DEPDC4: variants seen among roughly 807,000 people sequenced by gnomAD.
The protein encoded by DEPDC4 is DEP domain-containing protein 4.
DEPDC4 carries 52 observed loss-of-function variants against 52.0 expected under a neutral mutation model. That is an observed-to-expected ratio of 1.00 (90% CI 0.80 to 1.26). The LOEUF is 1.26. DEPDC4 is among the 50% of genes most tolerant of loss of function. DEPDC4 has a pLI of 0.00. For missense variants in DEPDC4, 530 were observed against 546.9 expected, an observed-to-expected ratio of 0.97 and a Z score of 0.31; for synonymous variants, 201 against 196.8, an observed-to-expected ratio of 1.02 and a Z score of -0.18.
chr12:100,279,572 T>C, the DEPDC4 span, among the ~76,000 whole-genome samples: 1 of 152,258 alleles, frequency 6.6e-6, no homozygotes, highest in Non-Finnish European at 1.5e-5. Flanking sequence ...TCATGACTAT[T>C]GGGTTTTGTT....
intron 9 of DEPDC4, among the ~76,000 whole-genome samples, chr12:100,234,024 T>C (rs1328163984): frequency 6.6e-6 from 1 of 152,150 alleles, no homozygotes. Context: ...GGAGAATCAC[T>C]TGAACCCAGG....
At chr12:100,234,236 T>C in intron 9 of DEPDC4, among the ~76,000 whole-genome samples, 1 of 152,214 alleles carries the variant, frequency 6.6e-6, no homozygotes, top group East Asian at 1.9e-4. Flanking sequence ...CAGGGACCAC[T>C]GCTATGGGAT....
At chr12:100,255,784 A>T (rs915058580) in intron 4 of DEPDC4, 2 of 230,968 alleles carry the variant, frequency 8.7e-6, no homozygotes, top group Non-Finnish European at 1.7e-5. Context: ...AATAAAATGG[A>T]AATGACAGAA....
intron 1 of DEPDC4, among the ~76,000 whole-genome samples, chr12:100,266,216 G>A (rs1388078566): frequency 6.6e-6 from 1 of 152,048 alleles, no homozygotes; most frequent in Non-Finnish European, 1.5e-5. Flanking sequence ...ATGCATAACC[G>A]CAAAAGTATG....
intron 7 of DEPDC4, 55 bp from the exon 8 acceptor site, chr12:100,249,033 T>C (rs2096197164): frequency 2.8e-6 from 2 of 717,804 alleles, no homozygotes; most frequent in Non-Finnish European, 3.4e-6. Flanking sequence ...CTAGCCAGCA[T>C]TTCAACATAG....
chr12:100,265,200 G>A (rs1363915655), intron 1 of DEPDC4, among the ~76,000 whole-genome samples: 1 of 152,064 alleles, frequency 6.6e-6, no homozygotes, highest in African/African-American at 2.4e-5. Flanking sequence ...AGGCTGAGGT[G>A]GGAGGATCAC....
upstream of DEPDC4, among the ~76,000 whole-genome samples, chr12:100,271,261 A>T (rs12809874): frequency 8.0e-5 from 2 of 25,104 alleles, no homozygotes; most frequent in Non-Finnish European, 1.5e-4. Context: ...GCAGAGCAGC[A>T]AAAAAAAAAA....
At chr12:100,254,669 C>G (rs527300746) in intron 4 of DEPDC4, among the ~76,000 whole-genome samples, 5 of 152,074 alleles carry the variant, frequency 3.3e-5, no homozygotes, top group African/African-American at 1.2e-4. Context: ...TCCTTCCTCT[C>G]TACCTCCCTC....
upstream of DEPDC4, among the ~76,000 whole-genome samples, chr12:100,268,067 AT>A (rs1433741081): frequency 2.0e-5 from 3 of 152,140 alleles, no homozygotes; most frequent in Non-Finnish European, 2.9e-5. Context: ...CATACCTGTG[AT>A]CCGTAATTAA....
intron 3 of DEPDC4, among the ~76,000 whole-genome samples, 170 bp from the exon 4 acceptor site, chr12:100,256,396 T>C (rs1484856934): frequency 6.6e-6 from 1 of 152,174 alleles, no homozygotes; most frequent in Non-Finnish European, 1.5e-5. Context: ...TATTACAATT[T>C]TTCAAGATTG....
intron 8 of DEPDC4, among the ~76,000 whole-genome samples, chr12:100,246,257 G>A (rs1298610245): frequency 2.0e-5 from 3 of 151,554 alleles, no homozygotes; most frequent in African/African-American, 7.3e-5. Context: ...CCTATTATGC[G>A]TTATCTCTTC....
chr12:100,266,988 G>A lies in DEPDC4; in HGVS notation c.89C>T (p.Pro30Leu), dbSNP rs1261557794. ...ACTTGGCCCGTTCAGCCCTGGGCCC[G>A]GAAGCTCGTTCTGACTGACAAGTCT... Reference protein sequence around the residue: ...FRRLVSQNELPGPGLNGPSSR... With the variant: ...FRRLVSQNELLGPGLNGPSSR... The change falls in exon 1 of 10, where the codon CCG becomes CTG. Residue 30 changes from proline to leucine, a missense_variant. Coordinates refer to ENST00000550587, the MANE Select transcript of DEPDC4 (RefSeq NM_001364818.2). 1.2e-6 allele frequency: 2 copies of A among 1,614,068 alleles called. No individual in the cohort carries two copies. Among genetic ancestry groups the A allele is most frequent in the Non-Finnish European group, 1.7e-6 (2 of 1,179,988 alleles).
intron 4 of DEPDC4, among the ~76,000 whole-genome samples, chr12:100,255,707 C>T (rs1284473694): frequency 3.3e-5 from 5 of 152,174 alleles, no homozygotes; most frequent in Non-Finnish European, 7.3e-5. Context: ...CCCTTCTAGA[C>T]TACGGTTTCT....
chr12:100,268,964 G>T (rs1422318976), upstream of DEPDC4, among the ~76,000 whole-genome samples: 2 of 152,128 alleles, frequency 1.3e-5, no homozygotes, highest in Non-Finnish European at 1.5e-5. Context: ...CAGTAGTCCT[G>T]TTCCAAGCCA....
intron 5 of DEPDC4, 129 bp downstream of exon 5, chr12:100,253,360 A>G: frequency 2.8e-6 from 1 of 361,804 alleles, no homozygotes; most frequent in Non-Finnish European, 5.2e-6. Context: ...TTCTTGAAGT[A>G]CCTTGACATC....
At chr12:100,237,724 A>G (rs2096143771), downstream of DEPDC4, 1 of 152,066 alleles carries the variant, frequency 6.6e-6, no homozygotes, top group African/African-American at 2.4e-5. Flanking sequence ...AATTTTTTTT[A>G]ATTTATTTCA....
At chr12:100,248,021 A>G (rs999336304) in intron 8 of DEPDC4, among the ~76,000 whole-genome samples, 1 of 152,286 alleles carries the variant, frequency 6.6e-6, no homozygotes, top group South Asian at 2.1e-4. Flanking sequence ...AATAATAATA[A>G]TATTAATATG....
chr12:100,235,955 T>C (rs1392456952), downstream of DEPDC4, among the ~76,000 whole-genome samples: 1 of 152,232 alleles, frequency 6.6e-6, no homozygotes, highest in East Asian at 1.9e-4. Context: ...TGGTTTCCCA[T>C]TCCTCAGTTA....
At chr12:100,246,483 C>T (rs1237676639) in intron 8 of DEPDC4, among the ~76,000 whole-genome samples, 3 of 152,146 alleles carry the variant, frequency 2.0e-5, no homozygotes, top group Non-Finnish European at 4.4e-5. Context: ...GAGCTTATTG[C>T]AAGCAGGGGC....
Sources: gnomAD v4.1 joint callset for allele counts (sites outside exome capture counted in the v4.1 genomes callset) on GRCh38, gnomAD v4.1.1 for gene constraint, MANE v1.5 for transcripts, NCBI Gene and HGNC (gene_info 2026-07-23, HGNC 2026-07-21) for gene names.